The following OR7C1 variants were observed in gnomAD, a reference collection of about 807,000 sequenced individuals.
The protein encoded by OR7C1 is olfactory receptor family 7 subfamily C member 1.
For synonymous variants in OR7C1, 152 were observed against 160.7 expected (o/e 0.95, Z 0.41); for missense variants, 324 against 383.3 (o/e 0.85, Z 1.29).
chr19:14,824,746 T>C (rs1050543064), intron 1 of OR7C1: 5 of 152,232 alleles, frequency 3.3e-5, no homozygotes, highest in African/African-American at 9.6e-5. Flanking sequence ...TACTCAATAA[T>C]GGGATTTCTG....
chr19:14,827,953 A>G (rs139330421), intron 1 of OR7C1: 1 of 1,614,216 alleles, frequency 6.2e-7, no homozygotes, highest in African/African-American at 1.3e-5. Flanking sequence ...TGCATGAGGC[A>G]GGCTATGTAG....
chr19:14,818,859 G>A (rs2044728546), intron 1 of OR7C1, among the ~76,000 whole-genome samples: 1 of 152,012 alleles, frequency 6.6e-6, no homozygotes, highest in East Asian at 1.9e-4. Context: ...ATATTTCATC[G>A]CAATAAATCA....
At chr19:14,827,324 C>A in intron 1 of OR7C1, 1 of 1,579,166 alleles carries the variant, frequency 6.3e-7, no homozygotes, top group Admixed American at 1.9e-5. Flanking sequence ...TTGTTCCCCA[C>A]AACAAATGTA....
chr19:14,821,757 A>C (rs535146041), intron 1 of OR7C1, among the ~76,000 whole-genome samples: 2 of 152,168 alleles, frequency 1.3e-5, no homozygotes, highest in African/African-American at 2.4e-5. Context: ...ACAACCCCTC[A>C]ATCAGTCCCA....
intron 1 of OR7C1, among the ~76,000 whole-genome samples, chr19:14,833,842 T>A (rs1373661920): frequency 7.8e-6 from 1 of 127,924 alleles, no homozygotes; most frequent in African/African-American, 2.9e-5. Flanking sequence ...TGGGGAACTT[T>A]CTCAGCTGTC....
chr19:14,829,546 G>C (rs1211591833), intron 1 of OR7C1, among the ~76,000 whole-genome samples: 1 of 152,222 alleles, frequency 6.6e-6, no homozygotes, highest in Non-Finnish European at 1.5e-5. Context: ...ACAGAAGCCA[G>C]TGTGGCCAGG....
chr19:14,813,954 T>C (rs2044704494), intron 1 of OR7C1, among the ~76,000 whole-genome samples: 1 of 152,046 alleles, frequency 6.6e-6, no homozygotes, highest in Non-Finnish European at 1.5e-5. Flanking sequence ...TAAATGCCAT[T>C]GGGAAAACTT....
At chr19:14,815,167 A>G (rs2044710420) in intron 1 of OR7C1, among the ~76,000 whole-genome samples, 1 of 152,214 alleles carries the variant, frequency 6.6e-6, no homozygotes, top group Non-Finnish European at 1.5e-5. Context: ...TGATTGGGCA[A>G]GAGACTGATT....
intron 1 of OR7C1, among the ~76,000 whole-genome samples, chr19:14,812,637 G>A (rs935536744): frequency 2.0e-5 from 3 of 151,714 alleles, no homozygotes; most frequent in African/African-American, 7.3e-5. Context: ...CTAGCCTGCC[G>A]ATGCTCCCAG....
intron 1 of OR7C1, among the ~76,000 whole-genome samples, chr19:14,832,193 A>G (rs1379944252): frequency 6.6e-6 from 1 of 152,168 alleles, no homozygotes; most frequent in Non-Finnish European, 1.5e-5. Context: ...TATAGGCATG[A>G]GTCACCTCGC....
In OR7C1 at chr19:14,805,286, G is replaced by A. The variant is rs186083950; in HGVS notation, c.-435+4520C>T. 7.3e-5 allele frequency among the ~76,000 whole-genome samples: 11 copies of A among 151,650 alleles called. 1 individual carries two copies. Among genetic ancestry groups the A allele is most frequent in the Admixed American group, 2.0e-4 (3 of 15,224 alleles). On this transcript the variant is annotated intron_variant, in intron 2 of 4. Coordinates refer to ENST00000641666, the Ensembl canonical transcript of OR7C1. ...TCCTCACACTCAAGGGGAATGAGAT[G>A]CACATTGATTCAAGGCTCATTGAGA...
chr19:14,818,057 A>AT (rs1555695166), intron 1 of OR7C1, among the ~76,000 whole-genome samples: 19,570 of 137,638 alleles, frequency 0.14, 1,352 homozygotes, highest in Middle Eastern at 0.21. Flanking sequence ...CATACATTTT[A>AT]TTTATTTTAT....
intron 1 of OR7C1, chr19:14,828,244 G>T (rs746261646): frequency 5.6e-6 from 9 of 1,606,276 alleles, no homozygotes; most frequent in Non-Finnish European, 7.7e-6. Context: ...GGTTCCATTT[G>T]ATTGAAGTGA....
intron 1 of OR7C1, among the ~76,000 whole-genome samples, chr19:14,814,218 G>A (rs1420050294): frequency 6.8e-6 from 1 of 147,680 alleles, no homozygotes; most frequent in Admixed American, 6.6e-5. Flanking sequence ...GCAAAGAAAA[G>A]CAATGAGCAG....
At chr19:14,825,272 T>C (rs1445411691) in intron 1 of OR7C1, 1 of 152,084 alleles carries the variant, frequency 6.6e-6, no homozygotes, top group Non-Finnish European at 1.5e-5. Flanking sequence ...CAATTCTGGT[T>C]ATGGAGGGGT....
intron 2 of OR7C1, 101 bp from the exon 3 acceptor site, chr19:14,800,865 T>G (rs1247722590): frequency 6.6e-6 from 1 of 152,248 alleles, no homozygotes; most frequent in African/African-American, 2.4e-5. Flanking sequence ...GTGAGCCTGA[T>G]GTAAATCAGA....
chr19:14,830,154 C>T (rs189378576), intron 1 of OR7C1, among the ~76,000 whole-genome samples: 42 of 152,338 alleles, frequency 2.8e-4, no homozygotes, highest in Admixed American at 6.5e-4. Flanking sequence ...TGAGCTACTG[C>T]ATTTGGCTCA....
rs375885947 is a variant in OR7C1, at chr19:14,822,472, C to T, written c.-622-12479G>A. On this transcript the variant is annotated intron_variant, in intron 1 of 4. Transcript: ENST00000641666. Reference sequence around the variant, plus strand: ...CGATCTCAGCTCACTGCAACCTCCACCACCCAAGTTCAAGCAATTCTCCTG... The same window carrying T: ...CGATCTCAGCTCACTGCAACCTCCATCACCCAAGTTCAAGCAATTCTCCTG... Among the ~76,000 whole-genome samples, 315 of 149,112 alleles carry T rather than the reference C, an allele frequency of 2.1e-3. 2 individuals are homozygous for T. Among genetic ancestry groups the T allele is most frequent in the African/African-American group, 7.4e-3 (301 of 40,550 alleles).
intron 1 of OR7C1, among the ~76,000 whole-genome samples, chr19:14,813,279 G>A (rs1484225051): frequency 6.6e-6 from 1 of 152,026 alleles, no homozygotes; most frequent in Non-Finnish European, 1.5e-5. Flanking sequence ...ACCCTGCCAG[G>A]CGCAGTGGCT....
Sources: allele counts gnomAD v4.1 joint callset (sites outside exome capture counted in the v4.1 genomes callset), GRCh38; gene constraint gnomAD v4.1.1; transcripts MANE v1.5; gene names NCBI Gene and HGNC (gene_info 2026-07-23, HGNC 2026-07-21).